Variants in ZNF599 observed in about 807,000 individuals in gnomAD.
ZNF599 encodes zinc finger protein 599.
In ZNF599, 10 loss-of-function variants were observed where a neutral mutation model predicts 11.7. That is an observed-to-expected ratio of 0.86 (90% confidence interval 0.53 to 1.45). ZNF599 has a LOEUF of 1.45. ZNF599 is among the 40% of genes most tolerant of loss of function. ZNF599 has a pLI of 0.00. For synonymous variants in ZNF599, 232 were observed against 253.2 expected (o/e 0.92, Z 0.79); for missense variants, 688 against 713.6 (o/e 0.96, Z 0.41).
At chr19:34,769,830 A>C (rs1487393831) in intron 1 of ZNF599, among the ~76,000 whole-genome samples, 2 of 152,214 alleles carry the variant, frequency 1.3e-5, no homozygotes, top group East Asian at 3.8e-4. Context: ...GGACATTACA[A>C]GAATGGGGAA....
chr19:34,792,745 C>A, the ZNF599 span, among the ~76,000 whole-genome samples: 1 of 151,964 alleles, frequency 6.6e-6, no homozygotes, highest in Non-Finnish European at 1.5e-5. Context: ...TGCCTGTAGT[C>A]CCAGCTACTC....
chr19:34,778,305 T>G, the ZNF599 span, among the ~76,000 whole-genome samples: 203 of 151,322 alleles, frequency 1.3e-3, 2 homozygotes, highest in Admixed American at 3.2e-3. Flanking sequence ...CCCTAGAACT[T>G]AAAGTATAAT....
chr19:34,775,052 T>G (rs1000782873), upstream of ZNF599, among the ~76,000 whole-genome samples: 7 of 152,286 alleles, frequency 4.6e-5, no homozygotes, highest in Non-Finnish European at 8.8e-5. Flanking sequence ...TGGCTCCCCC[T>G]TTGCCTTGCA....
chr19:34,803,991 C>G, the ZNF599 span, among the ~76,000 whole-genome samples: 13 of 152,200 alleles, frequency 8.5e-5, no homozygotes, highest in Non-Finnish European at 1.5e-4. Context: ...AAGAACATGC[C>G]TGACAATTCA....
At chr19:34,789,773 G>C in the ZNF599 span, among the ~76,000 whole-genome samples, 1 of 152,126 alleles carries the variant, frequency 6.6e-6, no homozygotes, top group East Asian at 1.9e-4. Context: ...TGTATAGCTT[G>C]AAAATATTCT....
chr19:34,801,721 T>G, the ZNF599 span, among the ~76,000 whole-genome samples: 3 of 152,238 alleles, frequency 2.0e-5, no homozygotes, highest in Admixed American at 2.0e-4. Context: ...CTTTTCCTGT[T>G]GTAAGTGGCC....
rs1568492309 is a variant in ZNF599 at position 34,760,163 on chromosome 19, GC to G, written c.637del (p.Ala213ProfsTer12). On this transcript the variant is annotated frameshift_variant, in exon 4 of 4. Coordinates refer to ENST00000329285, the MANE Select transcript of ZNF599 (RefSeq NM_001007248.3). LOFTEE classifies it low-confidence loss of function (END_TRUNC). ...ECGKGFSKKW[A>X]LVRHQQIHAG... ...ATGAATCTGTTGATGCCGAACAAGG[GC>G]CCACTTCTTGCTAAACCCTTTCCCA... is the stretch of plus-strand genomic sequence containing the variant. 3.7e-6 allele frequency: 6 copies of G among 1,614,096 alleles called. No homozygotes were observed. Among genetic ancestry groups the G allele is most frequent in the East Asian group, 2.2e-5 (1 of 44,888 alleles).
chr19:34,776,784 A>G (rs897267434), upstream of ZNF599, among the ~76,000 whole-genome samples: 1 of 152,222 alleles, frequency 6.6e-6, no homozygotes, highest in African/African-American at 2.4e-5. Flanking sequence ...TCTGCAGAGC[A>G]GGGCTACCCC....
At chr19:34,777,367 T>A (rs2862785), upstream of ZNF599, among the ~76,000 whole-genome samples, 21 of 67,074 alleles carry the variant, frequency 3.1e-4, no homozygotes, top group East Asian at 4.9e-3. Flanking sequence ...TATTAATATA[T>A]TATATATTAT....
At chr19:34,773,423 G>A (rs2069199806), upstream of ZNF599, among the ~76,000 whole-genome samples, 1 of 152,084 alleles carries the variant, frequency 6.6e-6, no homozygotes, top group Non-Finnish European at 1.5e-5. Flanking sequence ...TTAAAGGAGA[G>A]GCACACAGAG....
chr19:34,766,952 C>T (rs2069148037), intron 3 of ZNF599: 1 of 188,446 alleles, frequency 5.3e-6, no homozygotes, highest in African/African-American at 2.3e-5. Context: ...GATAAAAAAA[C>T]AAAACAAAAC....
rs777567972 is a variant in ZNF599, at chr19:34,759,092, T to C, written c.1709A>G (p.Lys570Arg). 5 of 1,614,064 alleles carry C rather than the reference T, an allele frequency of 3.1e-6. No homozygotes were observed. ...EKPFECNECG[K>R]TFSHSSSFTH... ...GAACGATGAACTGTGGCTGAAGGTCTTTCCACATTCATTGCATTCAAAGGG... is the reference window on the plus strand; with the variant it reads ...GAACGATGAACTGTGGCTGAAGGTCCTTCCACATTCATTGCATTCAAAGGG... The change falls in exon 4 of 4, where the codon AAG (lysine) becomes AGG (arginine). Residue 570 changes from lysine (K) to arginine (R), a missense_variant. Coordinates refer to ENST00000329285, the MANE Select transcript of ZNF599 (RefSeq NM_001007248.3).
chr19:34,781,700 T>C, the ZNF599 span, among the ~76,000 whole-genome samples: 186 of 152,310 alleles, frequency 1.2e-3, no homozygotes, highest in African/African-American at 4.3e-3. Flanking sequence ...TCCAGCTCAC[T>C]TCTCCATAAG....
At chr19:34,767,562 TAA>T in intron 2 of ZNF599, 151 bp from the exon 3 acceptor site, 1 of 566,114 alleles carries the variant, frequency 1.8e-6, no homozygotes, top group Non-Finnish European at 3.1e-6. Flanking sequence ...CTAATTAACC[TAA>T]GTCAGTAGGA....
At chr19:34,786,405 C>T in the ZNF599 span, among the ~76,000 whole-genome samples, 3 of 152,270 alleles carry the variant, frequency 2.0e-5, no homozygotes, top group African/African-American at 7.2e-5. Context: ...CTACATCTCT[C>T]GCAAGAGTCC....
chr19:34,784,060 A>C, the ZNF599 span, among the ~76,000 whole-genome samples: 1 of 152,192 alleles, frequency 6.6e-6, no homozygotes, highest in African/African-American at 2.4e-5. Context: ...GTTTCAAACA[A>C]AAGAAATTGA....
chr19:34,773,243 C>T (rs960239764), upstream of ZNF599: 1 of 211,582 alleles, frequency 4.7e-6, no homozygotes. Flanking sequence ...GCTACGGGAA[C>T]GCCCCTCTGC....
the ZNF599 span, among the ~76,000 whole-genome samples, chr19:34,796,574 G>A: frequency 7.9e-5 from 12 of 152,184 alleles, no homozygotes; most frequent in African/African-American, 2.2e-4. Context: ...GCCTCCCAAA[G>A]TACTGAAATT....
intron 2 of ZNF599, among the ~76,000 whole-genome samples, chr19:34,768,672 A>C (rs150147526): frequency 0.013 from 2,048 of 152,348 alleles, 35 homozygotes; most frequent in African/African-American, 0.048. Flanking sequence ...TGGCAAAATC[A>C]AAATGATAAC....
Sources: gnomAD v4.1 joint callset for allele counts (sites outside exome capture counted in the v4.1 genomes callset) on GRCh38, gnomAD v4.1.1 for gene constraint, MANE v1.5 for transcripts, NCBI Gene and HGNC (gene_info 2026-07-23, HGNC 2026-07-21) for gene names.